STK32A: variants seen among roughly 807,000 people sequenced by gnomAD.
STK32A encodes the protein serine/threonine kinase 32A, also known as serine/threonine-protein kinase 32A.
Under a neutral mutation model 53.2 loss-of-function variants are expected in STK32A, and 41 were observed. The ratio of observed to expected loss-of-function variants is 0.77; its 90% CI spans 0.60 to 1.00. STK32A has a LOEUF of 1.00. Ranked by LOEUF, STK32A falls within the 50% of genes least tolerant of loss-of-function variation. The pLI, the probability that STK32A is intolerant of heterozygous loss-of-function variation, is 0.00. For synonymous variants in STK32A, 166 were observed against 162.8 expected (o/e 1.02, Z -0.15); for missense variants, 458 against 485.8 (o/e 0.94, Z 0.54).
At chr5:147,261,366 T>G (rs6884886) in intron 2 of STK32A, among the ~76,000 whole-genome samples, 44,873 of 151,866 alleles carry the variant, frequency 0.3, 6,943 homozygotes, top group African/African-American at 0.36. Flanking sequence ...TTATCTCTGA[T>G]GCATGTGGCC....
At chr5:147,362,086 C>T (rs943316118) in intron 8 of STK32A, among the ~76,000 whole-genome samples, 3 of 152,080 alleles carry the variant, frequency 2.0e-5, no homozygotes, top group Admixed American at 1.3e-4. Context: ...AGAGTCATTT[C>T]CTTTTAAAGG....
rs1327261669 is a variant in STK32A at position 147,384,449 on chromosome 5, GC to G, written c.*470del. The G allele has an allele frequency of 1.3e-6, 2 of 1,531,328 alleles. No homozygotes were observed. Among genetic ancestry groups the G allele is most frequent in the Non-Finnish European group, 1.7e-6 (2 of 1,143,630 alleles). The allele number at this position is 1,531,328 out of a possible 1,614,324, so 94.9% of individuals were successfully genotyped here. The stretch of plus-strand genomic sequence containing the variant: ...GAAAGTTTCATAAAGTGGTCAGAAT[GC>G]CCCAGGCTACTTGGATAAAGATAAG... On this transcript the variant is annotated 3_prime_UTR_variant, in exon 13 of 13. Transcript: ENST00000397936.
intron 2 of STK32A, among the ~76,000 whole-genome samples, chr5:147,261,130 C>T (rs1462076822): frequency 6.6e-6 from 1 of 152,130 alleles, no homozygotes; most frequent in African/African-American, 2.4e-5. Flanking sequence ...ACGGGGTGCA[C>T]CTCCTCAGGA....
At chr5:147,383,575 G>A in intron 12 of STK32A, 70 bp downstream of exon 12, 1 of 1,189,968 alleles carries the variant, frequency 8.4e-7, no homozygotes, top group Non-Finnish European at 1.2e-6. Flanking sequence ...TACTTGCAGA[G>A]AAAATATATT....
chr5:147,276,595 CAA>C (rs1755270938), intron 2 of STK32A, among the ~76,000 whole-genome samples: 1 of 152,112 alleles, frequency 6.6e-6, no homozygotes, highest in African/African-American at 2.4e-5. Context: ...GTGAGAACTG[CAA>C]AGAGTTATGC....
At chr5:147,360,962 C>G (rs1167179576) in intron 7 of STK32A, among the ~76,000 whole-genome samples, 2 of 152,072 alleles carry the variant, frequency 1.3e-5, no homozygotes, top group Non-Finnish European at 2.9e-5. Flanking sequence ...TGTAAAGAAC[C>G]CACAGCTGTT....
chr5:147,364,215 C>CAAAAA (rs764357691), intron 8 of STK32A, among the ~76,000 whole-genome samples: 10 of 66,816 alleles, frequency 1.5e-4, no homozygotes, highest in Non-Finnish European at 1.8e-4. Context: ...AACTCCATCT[C>CAAAAA]AAAAAAAAAA....
intron 6 of STK32A, among the ~76,000 whole-genome samples, chr5:147,344,012 AT>A (rs1370523344): frequency 6.6e-6 from 1 of 152,146 alleles, no homozygotes; most frequent in Non-Finnish European, 1.5e-5. Context: ...TTTTGTGTAT[AT>A]TGGGATTTAT....
chr5:147,278,153 G>A lies in STK32A; in HGVS notation c.82G>A (p.Ala28Thr). ...VNFDHFEILR[A>T]IGKGSFGKVC... ...CTTTGACCACTTTGAAATTTTGCGA[G>A]CCATTGGGAAAGGCAGTTTTGGGAA... The change falls in exon 3 of 13, where the codon GCC becomes ACC. Residue 28 changes from alanine (A) to threonine (T), a missense_variant. Ala to Thr is a moderately conservative substitution (Grantham distance 58). Transcript: ENST00000397936. The A allele has an allele frequency of 6.2e-7, 1 of 1,600,152 alleles. No individual in the cohort carries two copies. Among genetic ancestry groups the A allele is most frequent in the Non-Finnish European group, 8.5e-7 (1 of 1,172,754 alleles).
intron 4 of STK32A, 53 bp downstream of exon 4, chr5:147,279,451 T>C (rs78417445): frequency 6.6e-7 from 1 of 1,507,226 alleles, no homozygotes; most frequent in Non-Finnish European, 8.9e-7. Context: ...ATCGGTGGGC[T>C]AGGGGAGGTC....
chr5:147,336,213 G>T (rs929146794), intron 5 of STK32A, among the ~76,000 whole-genome samples: 3 of 152,002 alleles, frequency 2.0e-5, no homozygotes, highest in Admixed American at 2.0e-4. Flanking sequence ...GCCTATACAG[G>T]GCTCATGTTT....
At chr5:147,367,401 G>T (rs1189180109) in intron 8 of STK32A, among the ~76,000 whole-genome samples, 2 of 152,086 alleles carry the variant, frequency 1.3e-5, no homozygotes, top group East Asian at 1.9e-4. Context: ...ATAATACATG[G>T]TTATTTTCAC....
At chr5:147,338,796 TGA>T (rs1374402094) in intron 5 of STK32A, among the ~76,000 whole-genome samples, 1 of 152,154 alleles carries the variant, frequency 6.6e-6, no homozygotes, top group East Asian at 1.9e-4. Flanking sequence ...ACTTTGAACT[TGA>T]GAGAGATAAT....
intron 2 of STK32A, among the ~76,000 whole-genome samples, chr5:147,244,562 G>T (rs555489927): frequency 6.6e-6 from 1 of 152,132 alleles, no homozygotes; most frequent in Non-Finnish European, 1.5e-5. Flanking sequence ...GCTGTGCCAC[G>T]TGCCAGTAAT....
intron 7 of STK32A, among the ~76,000 whole-genome samples, 195 bp from the exon 8 acceptor site, chr5:147,361,322 T>C (rs995610028): frequency 6.6e-6 from 1 of 152,212 alleles, no homozygotes; most frequent in African/African-American, 2.4e-5. Context: ...TGTTGACTGA[T>C]GAATGAGGCT....
intron 4 of STK32A, among the ~76,000 whole-genome samples, chr5:147,312,591 A>G (rs1209798121): frequency 3.9e-5 from 6 of 152,214 alleles, no homozygotes; most frequent in Non-Finnish European, 8.8e-5. Flanking sequence ...GAAGGCATTC[A>G]AGGTGCATTT....
In STK32A at chr5:147,375,339, G is replaced by A. The variant is rs932525513; in HGVS notation, c.1032+121G>A. 43 of 1,297,922 alleles carry A rather than the reference G, an allele frequency of 3.3e-5. No homozygotes were observed. The African/African-American group carries it at 5.0e-4, about 15-fold the overall frequency. 80.4% of individuals were successfully genotyped at this position (1,297,922 alleles called of 1,614,324 possible). On this transcript the variant is annotated intron_variant, in intron 11 of 12. Coordinates refer to ENST00000397936, the MANE Select transcript of STK32A (RefSeq NM_001112724.2). Reference sequence around the variant, plus strand: ...GCTTTTGCTGCTTAGTGAAATAGGAGAAGTAGATCAGCCGGGTTTCTAAAA... The same window carrying A: ...GCTTTTGCTGCTTAGTGAAATAGGAAAAGTAGATCAGCCGGGTTTCTAAAA...
chr5:147,290,081 A>C lies in STK32A; in HGVS notation c.260+10683A>C, dbSNP rs147153675. 4.6e-3 allele frequency among the ~76,000 whole-genome samples: 705 copies of C among 152,294 alleles called. 5 individuals carry two copies. Among genetic ancestry groups the C allele is most frequent in the African/African-American group, 0.014 (602 of 41,560 alleles). Reference sequence around the variant, plus strand: ...TGTACTTTTATTGGTTAAATCTGGCAATCTTAACTGTAGTAGAAACCCATG... The same window carrying C: ...TGTACTTTTATTGGTTAAATCTGGCCATCTTAACTGTAGTAGAAACCCATG... On this transcript the variant is annotated intron_variant, in intron 4 of 12. Transcript: ENST00000397936.
chr5:147,295,546 G>A (rs1198020054), intron 4 of STK32A, among the ~76,000 whole-genome samples: 1 of 152,216 alleles, frequency 6.6e-6, no homozygotes, highest in African/African-American at 2.4e-5. Context: ...CCCAAGTTAT[G>A]TGAACTAAAA....
Sources: gnomAD v4.1 joint callset for allele counts (sites outside exome capture counted in the v4.1 genomes callset) on GRCh38, gnomAD v4.1.1 for gene constraint, MANE v1.5 for transcripts, NCBI Gene and HGNC (gene_info 2026-07-23, HGNC 2026-07-21) for gene names.